Variants in COXFA4L2 observed in about 807,000 individuals in gnomAD.
COXFA4L2 encodes cytochrome c oxidase hypoxia associated subunit FA4L2, also known as NADH dehydrogenase (ubiquinone) 1 alpha subcomplex, 4-like 2.
the COXFA4L2 span, chr12:57,235,911 C>T: frequency 7.9e-6 from 8 of 1,018,006 alleles, no homozygotes; most frequent in Non-Finnish European, 9.6e-6. Flanking sequence ...CTGGCCCCAC[C>T]CCAGTACCCC....
chr12:57,235,693 T>TG, the COXFA4L2 span: 1 of 1,612,332 alleles, frequency 6.2e-7, no homozygotes, highest in Non-Finnish European at 8.5e-7. Context: ...GAGTTGTGGG[T>TG]GCCAGGACCA....
chr12:57,236,751 C>A, the COXFA4L2 span: 3 of 1,403,924 alleles, frequency 2.1e-6, no homozygotes, highest in South Asian at 2.7e-5. Flanking sequence ...CCTTTACAAG[C>A]TTTTCTGCCC....
At chr12:57,237,425 G>T in the COXFA4L2 span, 3 of 1,120,430 alleles carry the variant, frequency 2.7e-6, no homozygotes, top group South Asian at 1.9e-5. Flanking sequence ...GTGGGAGGAG[G>T]CATGGCCATG....
the COXFA4L2 span, chr12:57,237,290 G>C: frequency 7.0e-7 from 1 of 1,434,996 alleles, no homozygotes; most frequent in African/African-American, 1.4e-5. Flanking sequence ...TTGTCTGGGA[G>C]CCAAGTGGTT....
the COXFA4L2 span, chr12:57,235,859 A>ACTCTGTAACCTAAG: frequency 4.1e-6 from 6 of 1,473,494 alleles, no homozygotes; most frequent in African/African-American, 2.8e-5. Flanking sequence ...GGGACCCAGA[A>ACTCTGTAACCTAAG]CTCTGTAACC....
At chr12:57,240,557 A>AC in the COXFA4L2 span, 2 of 470,640 alleles carry the variant, frequency 4.2e-6, no homozygotes, top group African/African-American at 4.2e-5. Flanking sequence ...CGGGAGACTC[A>AC]CCCCGGCGCG....
At chr12:57,235,947 TC>T in the COXFA4L2 span, 1 of 603,836 alleles carries the variant, frequency 1.7e-6, no homozygotes, top group Non-Finnish European at 2.7e-6. Flanking sequence ...GGGTCCCATT[TC>T]CCAGATACTG....
At chr12:57,238,387 G>T in the COXFA4L2 span, among the ~76,000 whole-genome samples, 1 of 151,890 alleles carries the variant, frequency 6.6e-6, no homozygotes, top group Non-Finnish European at 1.5e-5. The surrounding 1 kb of genome is among the most constrained non-coding windows in gnomAD (Gnocchi z 6.8). Flanking sequence ...CAAAGAGACA[G>T]AGACTCGCTG....
the COXFA4L2 span, chr12:57,236,648 T>A: frequency 3.8e-6 from 6 of 1,579,422 alleles, no homozygotes; most frequent in Non-Finnish European, 5.2e-6. Context: ...GCGCTGCCCA[T>A]GCCCAGGCAG....
the COXFA4L2 span, chr12:57,236,405 T>G: frequency 1.1e-5 from 6 of 522,382 alleles, no homozygotes; most frequent in Non-Finnish European, 1.7e-5. Context: ...AGCTGAGGAG[T>G]GAGCGGCCAG....
chr12:57,240,040 G>C, the COXFA4L2 span: 1 of 152,300 alleles, frequency 6.6e-6, no homozygotes, highest in African/African-American at 2.4e-5. Context: ...TGATCTTCCC[G>C]CTGCGGCTGT....
the COXFA4L2 span, chr12:57,235,761 A>G: frequency 1.3e-6 from 2 of 1,590,262 alleles, no homozygotes; most frequent in South Asian, 1.1e-5. Context: ...TGTATTGGTC[A>G]TTGGGGCTCA....
the COXFA4L2 span, chr12:57,236,818 T>G: frequency 2.1e-6 from 2 of 973,094 alleles, no homozygotes; most frequent in Non-Finnish European, 3.1e-6. Context: ...ACAACCATAT[T>G]TCCTGGCATG....
chr12:57,237,025 T>G, the COXFA4L2 span: 1 of 1,614,186 alleles, frequency 6.2e-7, no homozygotes, highest in South Asian at 1.1e-5. Context: ...TTCTGAGGAC[T>G]CACCCCCGGA....
chr12:57,237,032 C>T, the COXFA4L2 span: 3 of 1,614,156 alleles, frequency 1.9e-6, no homozygotes, highest in Non-Finnish European at 2.5e-6. Flanking sequence ...GACTCACCCC[C>T]GGATGTCTTT....
At chr12:57,235,241 A>G in the COXFA4L2 span, 1 of 453,712 alleles carries the variant, frequency 2.2e-6, no homozygotes. Flanking sequence ...CACGCTCAAC[A>G]CGTAGCCTGT....
chr12:57,236,306 C>T, the COXFA4L2 span: 1 of 462,826 alleles, frequency 2.2e-6, no homozygotes, highest in African/African-American at 2.0e-5. Flanking sequence ...TTAGAGGTAC[C>T]CAAAAGCCCA....
chr12:57,236,508 G>C, the COXFA4L2 span: 4 of 1,168,968 alleles, frequency 3.4e-6, no homozygotes, highest in Non-Finnish European at 4.8e-6. Flanking sequence ...ATGCAGCAGG[G>C]CACGGGATCC....
chr12:57,236,988 G>A, the COXFA4L2 span: 1 of 1,612,518 alleles, frequency 6.2e-7, no homozygotes. Flanking sequence ...GGGGCAGCAG[G>A]AGAGTTAGGA....
Sources: gnomAD v4.1 joint callset for allele counts (sites outside exome capture counted in the v4.1 genomes callset) on GRCh38, gnomAD v4.1.1 for gene constraint, Gnocchi (gnomAD v3.1) non-coding constraint, MANE v1.5 for transcripts, NCBI Gene and HGNC (gene_info 2026-07-23, HGNC 2026-07-21) for gene names.